SNTG1: variants seen among roughly 807,000 people sequenced by gnomAD.
SNTG1 encodes syntrophin gamma 1.
A neutral mutation model predicts 74.7 loss-of-function variants in SNTG1; 39 were observed. That is an observed-to-expected ratio of 0.52 (90% CI 0.40 to 0.68). The LOEUF (loss-of-function observed/expected upper bound fraction) is 0.68. Among genes scored for constraint, SNTG1 ranks in the 30% least tolerant of loss-of-function variants. The pLI is 0.00. For missense variants in SNTG1, 685 were observed against 609.5 expected (o/e 1.12, Z -1.30); for synonymous variants, 254 against 217.1 (o/e 1.17, Z -1.49).
chr8:50,663,650 T>C (rs1423135804), intron 15 of SNTG1, among the ~76,000 whole-genome samples: 4 of 152,190 alleles, frequency 2.6e-5, no homozygotes, highest in Non-Finnish European at 5.9e-5. Context: ...ACCTGCATTT[T>C]CAATTACAGA....
chr8:50,142,810 A>G (rs913589031), intron 1 of SNTG1, among the ~76,000 whole-genome samples: 1 of 152,274 alleles, frequency 6.6e-6, no homozygotes, highest in African/African-American at 2.4e-5. Context: ...GGTGGCTTAC[A>G]CCTGTAATCC....
At chr8:50,567,127 A>G (rs1460750025) in intron 12 of SNTG1, among the ~76,000 whole-genome samples, 1 of 152,116 alleles carries the variant, frequency 6.6e-6, no homozygotes, top group Non-Finnish European at 1.5e-5. Context: ...GAAACTGGAC[A>G]AAATTAGTTG....
intron 4 of SNTG1, among the ~76,000 whole-genome samples, chr8:50,436,573 A>C (rs1005828126): frequency 3.1e-4 from 47 of 152,156 alleles, no homozygotes; most frequent in African/African-American, 1.1e-3. Flanking sequence ...CATTTTCCAA[A>C]TTTGAAAACA....
intron 13 of SNTG1, among the ~76,000 whole-genome samples, chr8:50,649,645 T>G (rs555588094): frequency 6.6e-6 from 1 of 152,318 alleles, no homozygotes; most frequent in South Asian, 2.1e-4. Flanking sequence ...GGTTTTAAAT[T>G]GCATTTCTTT....
chr8:50,261,482 A>G (rs1017890608), intron 2 of SNTG1, among the ~76,000 whole-genome samples: 11 of 152,152 alleles, frequency 7.2e-5, no homozygotes, highest in Admixed American at 4.6e-4. Context: ...GAGAAAAAAT[A>G]AGTAAAGGTA....
At chr8:50,752,200 AC>A in intron 18 of SNTG1, 89 bp downstream of exon 18, 1 of 582,128 alleles carries the variant, frequency 1.7e-6, no homozygotes, top group Non-Finnish European at 2.8e-6. Context: ...GAATCACAAG[AC>A]CAAAAACACA....
At chr8:50,679,990 G>A (rs2095324782) in intron 15 of SNTG1, among the ~76,000 whole-genome samples, 1 of 152,094 alleles carries the variant, frequency 6.6e-6, no homozygotes, top group Non-Finnish European at 1.5e-5. Flanking sequence ...CCTCCCTTGG[G>A]CCTTCTGTTG....
chr8:49,993,117 G>T (rs1186466294), intron 1 of SNTG1, among the ~76,000 whole-genome samples: 1 of 152,010 alleles, frequency 6.6e-6, no homozygotes, highest in Non-Finnish European at 1.5e-5. Context: ...AGTTCAAGGA[G>T]AATGATACAT....
intron 1 of SNTG1, among the ~76,000 whole-genome samples, chr8:49,964,160 G>T (rs1242878233): frequency 6.6e-6 from 1 of 152,186 alleles, no homozygotes; most frequent in Non-Finnish European, 1.5e-5. Context: ...TTTAGATGAG[G>T]TTAATATTTG....
In SNTG1 at chr8:50,536,662, T is replaced by G. The variant is rs1349570081; in HGVS notation, c.550-16T>G. On this transcript the variant is annotated splice_polypyrimidine_tract_variant and intron_variant, in intron 10 of 18. Transcript: ENST00000642720. Reference sequence around the variant, plus strand: ...CAGAAGAAAAAAATTACGTTGAATATTTATCTTCCTTTCAGGACACATTAT... The same window carrying G: ...CAGAAGAAAAAAATTACGTTGAATAGTTATCTTCCTTTCAGGACACATTAT... 3.1e-6 allele frequency: 5 copies of G among 1,610,020 alleles called. No homozygotes were observed. The highest frequency in any genetic ancestry group is 4.2e-6 in the Non-Finnish European group (5 of 1,178,512).
At chr8:50,738,240 T>A (rs890331964) in intron 17 of SNTG1, among the ~76,000 whole-genome samples, 5 of 152,062 alleles carry the variant, frequency 3.3e-5, no homozygotes, top group African/African-American at 1.2e-4. Context: ...TGTACAAATA[T>A]CACAAGCTTT....
intron 17 of SNTG1, among the ~76,000 whole-genome samples, chr8:50,726,127 C>T (rs930264788): frequency 6.6e-6 from 1 of 152,146 alleles, no homozygotes; most frequent in Non-Finnish European, 1.5e-5. Context: ...AGCTAACTTC[C>T]TAAACCCACA....
intron 1 of SNTG1, among the ~76,000 whole-genome samples, chr8:50,088,952 A>G (rs997786057): frequency 2.0e-5 from 3 of 151,704 alleles, no homozygotes; most frequent in African/African-American, 4.8e-5. Context: ...GGCCAAGTCA[A>G]TCCTAAGCCA....
At chr8:50,662,532 C>T (rs545430353) in intron 15 of SNTG1, among the ~76,000 whole-genome samples, 1 of 152,126 alleles carries the variant, frequency 6.6e-6, no homozygotes, top group Non-Finnish European at 1.5e-5. Context: ...AGTAAATAGC[C>T]TAAGGTCACA....
At chr8:50,487,924 C>T (rs1156840344) in intron 8 of SNTG1, among the ~76,000 whole-genome samples, 1 of 151,856 alleles carries the variant, frequency 6.6e-6, no homozygotes, top group Non-Finnish European at 1.5e-5. Flanking sequence ...TGTGTTACCT[C>T]ATATGGTGTT....
intron 1 of SNTG1, among the ~76,000 whole-genome samples, chr8:50,143,094 T>C: frequency 6.6e-6 from 1 of 151,660 alleles, no homozygotes; most frequent in African/African-American, 2.4e-5. Context: ...AATAAATAAA[T>C]AAATAAAAAT....
In SNTG1 at chr8:50,795,009, A is replaced by G. The variant is rs561336966; in HGVS notation, c.*2180A>G. 1 of 152,054 alleles carries G rather than the reference A, an allele frequency of 6.6e-6. No homozygotes were observed. The highest frequency in any genetic ancestry group is 1.9e-4 in the East Asian group (1 of 5,178). 9.4% of individuals were successfully genotyped at this position (152,054 alleles called of 1,614,324 possible). A position where few individuals can be genotyped will look rare whatever the true frequency, so the allele number is the denominator to read the frequency against. ...CACAATGAGATATGTATAAATATAT[A>G]TCTCCTCAGAGAATACACACACACC... On this transcript the variant is annotated 3_prime_UTR_variant, in exon 19 of 19. Coordinates refer to ENST00000642720, the MANE Select transcript of SNTG1 (RefSeq NM_018967.5).
intron 2 of SNTG1, among the ~76,000 whole-genome samples, chr8:50,308,387 C>T (rs1173713285): frequency 6.6e-6 from 1 of 151,946 alleles, no homozygotes. Flanking sequence ...CCATGCAAGG[C>T]CTATAGAGTT....
intron 4 of SNTG1, among the ~76,000 whole-genome samples, chr8:50,406,025 T>A (rs935755001): frequency 6.6e-6 from 1 of 152,102 alleles, no homozygotes; most frequent in Admixed American, 6.6e-5. Context: ...ATCAGCTAAT[T>A]TGGGTTCCTT....
Sources: allele counts gnomAD v4.1 joint callset (sites outside exome capture counted in the v4.1 genomes callset), GRCh38; gene constraint gnomAD v4.1.1; transcripts MANE v1.5; gene names NCBI Gene and HGNC (gene_info 2026-07-23, HGNC 2026-07-21).